Variants in NIPAL2 observed in about 807,000 individuals in gnomAD.
The protein encoded by NIPAL2 is NIPA-like protein 2.
In NIPAL2, 43 loss-of-function variants were observed where a neutral mutation model predicts 48.9. The ratio of observed to expected loss-of-function variants is 0.88; its 90% CI spans 0.69 to 1.13. The LOEUF (loss-of-function observed/expected upper bound fraction) is 1.13, where lower values mean the gene tolerates loss of function less well. Among genes scored for constraint, NIPAL2 ranks in the 50% most tolerant of loss-of-function variants. NIPAL2 has a pLI of 0.00. For missense variants in NIPAL2, 446 were observed against 461.4 expected (o/e 0.97, Z 0.31); for synonymous variants, 167 against 174.6 (o/e 0.96, Z 0.34).
chr8:98,224,983 TTGACATCAGG>T lies in NIPAL2; in HGVS notation c.437-2393_437-2384del, dbSNP rs1340779813. Among the ~76,000 whole-genome samples, 11 of 152,136 alleles carry T rather than the reference TTGACATCAGG, an allele frequency of 7.2e-5. No individual in the cohort carries two copies. The East Asian group carries it at 2.1e-3, about 29-fold the overall frequency. On this transcript the variant is annotated intron_variant, in intron 4 of 10. Coordinates refer to ENST00000430223, the MANE Select transcript of NIPAL2 (RefSeq NM_001321635.2). ...TGGTGGCCAGGGTGGTCTCGAACTC[TTGACATCAGG>T]TGATCTGCCCGCCTCTGCCACTCAA...
intron 5 of NIPAL2, among the ~76,000 whole-genome samples, chr8:98,218,927 C>A (rs974018428): frequency 1.3e-5 from 2 of 152,088 alleles, no homozygotes; most frequent in Non-Finnish European, 2.9e-5. Flanking sequence ...GGGGAGGCAG[C>A]CTTATTAAGA....
In NIPAL2 at chr8:98,192,939, G is replaced by A. The variant is rs753646685; in HGVS notation, c.*39C>T. ...AACATGTGCAATTTTTTAAAAAGGTGGTATCGAATAACAGGCCAACAGCCA... is the reference window on the plus strand; with the variant it reads ...AACATGTGCAATTTTTTAAAAAGGTAGTATCGAATAACAGGCCAACAGCCA... On this transcript the variant is annotated 3_prime_UTR_variant, in exon 11 of 11. Transcript: ENST00000430223. 6.4e-6 allele frequency: 8 copies of A among 1,248,256 alleles called. No homozygotes were observed. In the East Asian group the frequency reaches 1.6e-4, roughly 25 times the overall value. The allele number at this position is 1,248,256 out of a possible 1,614,324, so 77.3% of individuals were successfully genotyped here.
rs536324758 is a variant in NIPAL2, at chr8:98,192,652, C to T, written c.*326G>A. The T allele has an allele frequency of 5.2e-5, 13 of 249,004 alleles. No homozygotes were observed. The South Asian group carries it at 1.2e-3, about 23-fold the overall frequency. 15.4% of individuals were successfully genotyped at this position (249,004 alleles called of 1,614,324 possible). On this transcript the variant is annotated 3_prime_UTR_variant, in exon 11 of 11. Coordinates refer to ENST00000430223, the MANE Select transcript of NIPAL2 (RefSeq NM_001321635.2). ...CTACCCGTGGGAGAAGCCACCTATGCGACCTGTGGCCAAACCGCAAATGTA... is the reference window on the plus strand; with the variant it reads ...CTACCCGTGGGAGAAGCCACCTATGTGACCTGTGGCCAAACCGCAAATGTA...
chr8:98,249,328 C>T (rs1813447132), intron 3 of NIPAL2, among the ~76,000 whole-genome samples: 1 of 152,058 alleles, frequency 6.6e-6, no homozygotes, highest in Admixed American at 6.6e-5. Context: ...CAGTGAGGAA[C>T]AGCAGGACAC....
intron 1 of NIPAL2, among the ~76,000 whole-genome samples, chr8:98,282,392 T>C (rs1031359319): frequency 2.0e-5 from 3 of 152,238 alleles, no homozygotes; most frequent in African/African-American, 7.2e-5. Flanking sequence ...TCATCCTAGC[T>C]GCAGTGTGGA....
intron 1 of NIPAL2, among the ~76,000 whole-genome samples, chr8:98,278,198 C>T (rs1815594278): frequency 6.6e-6 from 1 of 151,946 alleles, no homozygotes; most frequent in South Asian, 2.1e-4. Flanking sequence ...TCTCAGAATG[C>T]TTTTAAGATT....
chr8:98,197,081 C>CTT (rs201448578), intron 8 of NIPAL2, among the ~76,000 whole-genome samples: 4 of 140,998 alleles, frequency 2.8e-5, no homozygotes, highest in Non-Finnish European at 4.7e-5. Context: ...TCTTTTTTCT[C>CTT]TTTTTTTTTT....
At chr8:98,249,532 T>C (rs1039972027) in intron 3 of NIPAL2, among the ~76,000 whole-genome samples, 2 of 150,612 alleles carry the variant, frequency 1.3e-5, no homozygotes, top group African/African-American at 2.4e-5. Flanking sequence ...TACATGTCAA[T>C]CATATGACAT....
chr8:98,219,189 G>A (rs1249449965), intron 5 of NIPAL2, among the ~76,000 whole-genome samples: 1 of 152,176 alleles, frequency 6.6e-6, no homozygotes, highest in African/African-American at 2.4e-5. Flanking sequence ...TAAGGAGACT[G>A]TGGGACATCC....
intron 5 of NIPAL2, among the ~76,000 whole-genome samples, chr8:98,213,377 C>G (rs1811417518): frequency 2.0e-5 from 3 of 152,098 alleles, no homozygotes; most frequent in Non-Finnish European, 4.4e-5. Context: ...CTTTTTTTCA[C>G]CATGTATTAT....
At chr8:98,283,870 T>C (rs1414388411) in intron 1 of NIPAL2, among the ~76,000 whole-genome samples, 1 of 152,184 alleles carries the variant, frequency 6.6e-6, no homozygotes. Flanking sequence ...GGGGAGGGAT[T>C]GTGATGATGT....
chr8:98,282,642 A>T (rs1025128328), intron 1 of NIPAL2, among the ~76,000 whole-genome samples: 2 of 152,180 alleles, frequency 1.3e-5, no homozygotes, highest in Admixed American at 1.3e-4. Context: ...CACTGCATCC[A>T]GCCTGGGCAA....
intron 4 of NIPAL2, among the ~76,000 whole-genome samples, chr8:98,227,422 T>C (rs1812230390): frequency 6.6e-6 from 1 of 152,176 alleles, no homozygotes; most frequent in African/African-American, 2.4e-5. Context: ...GTACTGTGGC[T>C]ATCACTGCTG....
chr8:98,198,410 C>T (rs1022430011), intron 8 of NIPAL2, among the ~76,000 whole-genome samples: 2 of 152,316 alleles, frequency 1.3e-5, no homozygotes, highest in Admixed American at 1.3e-4. Flanking sequence ...GCATTGGCTT[C>T]AAATTAAAGT....
intron 1 of NIPAL2, among the ~76,000 whole-genome samples, chr8:98,260,150 A>T (rs1480511910): frequency 1.3e-5 from 2 of 152,208 alleles, no homozygotes; most frequent in African/African-American, 4.8e-5. Flanking sequence ...TGTAAAAGTC[A>T]GACCAAAAGG....
intron 6 of NIPAL2, among the ~76,000 whole-genome samples, chr8:98,206,111 C>T (rs979924099): frequency 2.6e-5 from 4 of 152,078 alleles, no homozygotes; most frequent in African/African-American, 4.8e-5. Flanking sequence ...TTATGTCCCT[C>T]GAAGTTACTG....
intron 1 of NIPAL2, among the ~76,000 whole-genome samples, chr8:98,284,964 G>C (rs534210475): frequency 1.3e-5 from 2 of 152,258 alleles, no homozygotes; most frequent in Admixed American, 1.3e-4. Context: ...GTAAGAATAA[G>C]TAGAGGCCTT....
chr8:98,217,326 G>C (rs890664955), intron 5 of NIPAL2: 1 of 845,466 alleles, frequency 1.2e-6, no homozygotes, highest in African/African-American at 2.1e-5. Flanking sequence ...GTTGATGTGA[G>C]CCAGTGGGTG....
At chr8:98,224,823 A>T (rs1038266596) in intron 4 of NIPAL2, among the ~76,000 whole-genome samples, 6 of 145,362 alleles carry the variant, frequency 4.1e-5, no homozygotes, top group African/African-American at 1.3e-4. Flanking sequence ...CAGTGGTGCA[A>T]ACTCAGCTTA....
Sources: gnomAD v4.1 joint callset for allele counts (sites outside exome capture counted in the v4.1 genomes callset) on GRCh38, gnomAD v4.1.1 for gene constraint, MANE v1.5 for transcripts, NCBI Gene and HGNC (gene_info 2026-07-23, HGNC 2026-07-21) for gene names.